ATM: variants seen among roughly 807,000 people sequenced by gnomAD.
The protein encoded by ATM is serine-protein kinase ATM.
Under a neutral mutation model 387.0 loss-of-function variants are expected in ATM, and 308 were observed. The observed-to-expected ratio is 0.80, with a 90% CI of 0.73 to 0.87. The LOEUF (loss-of-function observed/expected upper bound fraction) is 0.87, where lower values mean the gene tolerates loss of function less well. Among genes scored for constraint, ATM ranks in the 40% least tolerant of loss-of-function variants. The pLI is 0.00. For missense variants in ATM, 3,312 were observed against 3,560.9 expected (o/e 0.93, Z 1.78); for synonymous variants, 1,156 against 1,187.3 (o/e 0.97, Z 0.54).
Position 108,368,318 on chromosome 11 carries a change from C to G in ATM, c.*2810C>G, listed in dbSNP as rs894021798. On this transcript the variant is annotated 3_prime_UTR_variant, in exon 63 of 63. Coordinates refer to ENST00000675843, the MANE Select transcript of ATM (RefSeq NM_000051.4). ...AAAAAAAAAAAAAGGTTTTGGCAAG[C>G]TGGAACTCTTTCTGCAAATGACTAA... is the stretch of plus-strand genomic sequence containing the variant. 4.8e-6 allele frequency: 1 copy of G among 207,426 alleles called. No homozygotes were observed. The highest frequency in any genetic ancestry group is 9.7e-6 in the Non-Finnish European group (1 of 102,944). 12.8% of individuals were successfully genotyped at this position (207,426 alleles called of 1,614,324 possible).
chr11:108,294,413 A>G (rs1191528663), intron 31 of ATM, among the ~76,000 whole-genome samples: 5 of 152,180 alleles, frequency 3.3e-5, no homozygotes, highest in African/African-American at 4.8e-5. Flanking sequence ...AACAATCTTG[A>G]AGTCTGTGTT....
In ATM at chr11:108,315,913, TA is replaced by T. The variant is rs1555113628; in HGVS notation, c.6095+5del. 6.2e-7 allele frequency: 1 copy of T among 1,610,310 alleles called. No individual in the cohort carries two copies. The highest frequency in any genetic ancestry group is 8.5e-7 in the Non-Finnish European group (1 of 1,176,504). On this transcript the variant is annotated splice_donor_region_variant and intron_variant, in intron 41 of 62. Transcript: ENST00000675843. ...GAAGATGTTACAACCCATTACTAGG[TA>T]AATTGCATTTTTCTAAACAACGGTA...
intron 45 of ATM, among the ~76,000 whole-genome samples, chr11:108,324,548 T>C (rs529045795): frequency 2.0e-5 from 3 of 152,116 alleles, no homozygotes; most frequent in African/African-American, 4.8e-5. Flanking sequence ...TGAGACCTGC[T>C]GTGGTAGGGT....
At chr11:108,341,346 TTCTC>T (rs746836462) in intron 56 of ATM, among the ~76,000 whole-genome samples, 1 of 152,118 alleles carries the variant, frequency 6.6e-6, no homozygotes, top group Non-Finnish European at 1.5e-5. Flanking sequence ...ATTACCCACT[TTCTC>T]TCTTTTTTAA....
At chr11:108,266,422 G>T (rs987113448) in intron 16 of ATM, among the ~76,000 whole-genome samples, 1 of 148,404 alleles carries the variant, frequency 6.7e-6, no homozygotes, top group Admixed American at 6.9e-5. Flanking sequence ...ACTCATAGGT[G>T]GGAATTGAAC....
Position 108,365,499 on chromosome 11 carries a change from T to G in ATM, c.9162T>G (p.Ala3054=), listed in dbSNP as rs1357804007. 1 of 1,614,042 alleles carries G rather than the reference T, an allele frequency of 6.2e-7. No individual in the cohort carries two copies. The highest frequency in any genetic ancestry group is 8.5e-7 in the Non-Finnish European group (1 of 1,180,018). ...NLSRLFPGWK[A]WV ...GCCGACTTTTCCCAGGATGGAAAGC[T>G]TGGGTGTGATCTTCAGTATATGAAT... Residue 3054 remains alanine (A), a synonymous_variant, in exon 63 of 63, where the codon GCT becomes GCG. Coordinates refer to ENST00000675843, the MANE Select transcript of ATM (RefSeq NM_000051.4).
At chr11:108,331,088 A>G (rs2086190371) in intron 50 of ATM, 11 of 887,654 alleles carry the variant, frequency 1.2e-5, no homozygotes, top group Non-Finnish European at 1.5e-5. Context: ...TATGGGGAAA[A>G]GCAATTACTT....
chr11:108,309,167 G>C, intron 38 of ATM: 1 of 637,222 alleles, frequency 1.6e-6, no homozygotes, highest in Non-Finnish European at 2.7e-6. Context: ...ATCCTGTACA[G>C]TATGTTGGGC....
chr11:108,231,107 C>A (rs1288282799), intron 4 of ATM, among the ~76,000 whole-genome samples: 1 of 152,140 alleles, frequency 6.6e-6, no homozygotes, highest in Non-Finnish European at 1.5e-5. Context: ...ATGTGAGCTT[C>A]CTTGGCTGTC....
chr11:108,269,296 A>G (rs998632969), intron 18 of ATM, among the ~76,000 whole-genome samples: 1 of 152,056 alleles, frequency 6.6e-6, no homozygotes, highest in African/African-American at 2.4e-5. Flanking sequence ...CATGACCTTC[A>G]TATATTTGAA....
At chr11:108,337,120 G>T (rs1203765414) in intron 56 of ATM, among the ~76,000 whole-genome samples, 4 of 152,118 alleles carry the variant, frequency 2.6e-5, no homozygotes, top group Non-Finnish European at 5.9e-5. Context: ...CCTCCAAAAT[G>T]CTGCTTGAGT....
intron 56 of ATM, 107 bp from the exon 57 acceptor site, chr11:108,343,115 A>ATACAACTTGAAAAAAAATGCTT: frequency 7.1e-7 from 1 of 1,404,374 alleles, no homozygotes; most frequent in Non-Finnish European, 1.0e-6. Flanking sequence ...AGAAATATTA[A>ATACAACTTGAAAAAAAATGCTT]TACAACTTGA....
rs864622508 is a variant in ATM, at chr11:108,229,311, T to C, written c.319T>C (p.Cys107Arg). The change falls in exon 4 of 63, where the codon TGT (cysteine) becomes CGT (arginine). Residue 107 changes from cysteine (C) to arginine (R), a missense_variant. Transcript: ENST00000675843. ...ISSLVKYFIK[C>R]ANRRAPRLKC... ...TAGTTTGGTCAAATACTTCATCAAA[T>C]GTGCAAACAGAAGTAAGTGATGTTA... The C allele has an allele frequency of 6.2e-7, 1 of 1,612,652 alleles. No individual in the cohort carries two copies. Among genetic ancestry groups the C allele is most frequent in the Non-Finnish European group, 8.5e-7 (1 of 1,179,594 alleles).
chr11:108,295,524 CA>C (rs1212736269), intron 32 of ATM: 3 of 167,994 alleles, frequency 1.8e-5, no homozygotes, highest in African/African-American at 7.2e-5. Context: ...TTTGTAGGGA[CA>C]GGGGTCCCAC....
chr11:108,310,330 A>G lies in ATM; in HGVS notation c.5918+15A>G, dbSNP rs1394350069. ...CAAGAGAAAAGGTAATGGAATTTAG[A>G]ATTTTTGGTTTTTAAAATTAATGTT... On this transcript the variant is annotated intron_variant, in intron 39 of 62. Coordinates refer to ENST00000675843, the MANE Select transcript of ATM (RefSeq NM_000051.4). The G allele has an allele frequency of 6.2e-7, 1 of 1,610,506 alleles. No homozygotes were observed. The highest frequency in any genetic ancestry group is 8.5e-7 in the Non-Finnish European group (1 of 1,177,622).
intron 42 of ATM, among the ~76,000 whole-genome samples, chr11:108,317,055 A>G (rs1054834924): frequency 6.6e-6 from 1 of 151,144 alleles, no homozygotes; most frequent in African/African-American, 2.4e-5. Context: ...CGCTTCAGCC[A>G]CCCAAGTAGC....
In ATM at chr11:108,244,927, C is replaced by T. The variant is rs557012154; in HGVS notation, c.802C>T (p.Gln268Ter). 1.2e-6 allele frequency: 2 copies of T among 1,613,214 alleles called. No individual in the cohort carries two copies. Among genetic ancestry groups the T allele is most frequent in the Non-Finnish European group, 1.7e-6 (2 of 1,179,558 alleles). Reference protein sequence around the residue: ...ILPTLLYIWTQHRLNDSLKEV... With the variant: ...ILPTLLYIWT ...TCCCACTTTGCTTTATATTTGGACTCAACATAGGCTTAATGATTCTTTAAA... is the reference window on the plus strand; with the variant it reads ...TCCCACTTTGCTTTATATTTGGACTTAACATAGGCTTAATGATTCTTTAAA... The change falls in exon 7 of 63, where the codon CAA becomes TAA. Residue 268 changes from glutamine to a stop codon, truncating the protein, a stop_gained. Coordinates refer to ENST00000675843, the MANE Select transcript of ATM (RefSeq NM_000051.4). LOFTEE classifies it high-confidence loss of function.
Position 108,275,459 on chromosome 11 carries a change from A to G in ATM, c.3284+2607A>G, listed in dbSNP as rs977050540. Among the ~76,000 whole-genome samples the G allele has an allele frequency of 4.6e-5, 7 of 152,290 alleles. No individual in the cohort carries two copies. The South Asian group carries it at 8.3e-4, about 18-fold the overall frequency. Reference sequence around the variant, plus strand: ...TTGATGCAGTTTCTTCATAGTGTCAATGGTCTTTACAATTTGGTATGTTTT... The same window carrying G: ...TTGATGCAGTTTCTTCATAGTGTCAGTGGTCTTTACAATTTGGTATGTTTT... On this transcript the variant is annotated intron_variant, in intron 22 of 62. Coordinates refer to ENST00000675843, the MANE Select transcript of ATM (RefSeq NM_000051.4).
At chr11:108,249,807 A>G (rs2080038147) in intron 9 of ATM, among the ~76,000 whole-genome samples, 1 of 152,208 alleles carries the variant, frequency 6.6e-6, no homozygotes, top group South Asian at 2.1e-4. Flanking sequence ...CTTCTGGGGA[A>G]AAGCATATTG....
Sources: gnomAD v4.1 joint callset for allele counts (sites outside exome capture counted in the v4.1 genomes callset) on GRCh38, gnomAD v4.1.1 for gene constraint, MANE v1.5 for transcripts, NCBI Gene and HGNC (gene_info 2026-07-23, HGNC 2026-07-21) for gene names.